Variants in NDUFAB1 observed in about 807,000 individuals in gnomAD.
NDUFAB1 encodes the protein NADH:ubiquinone oxidoreductase subunit AB1.
NDUFAB1 carries 5 observed loss-of-function variants against 16.1 expected under a neutral mutation model. That is an observed-to-expected ratio of 0.31 (90% CI 0.16 to 0.65). The LOEUF is 0.65. NDUFAB1 is among the 30% of genes least tolerant of loss of function. The probability of loss-of-function intolerance (pLI) is 0.77; values close to 1 mark genes in which losing one functional copy is unlikely to be tolerated. For synonymous variants in NDUFAB1, 85 were observed against 78.4 expected, an observed-to-expected ratio of 1.08 and a Z score of -0.44; for missense variants, 187 against 205.3, an observed-to-expected ratio of 0.91 and a Z score of 0.54.
rs776417573 is a variant in NDUFAB1 at position 23,596,105 on chromosome 16, A to G, written c.168+18T>C. On this transcript the variant is annotated intron_variant, in intron 1 of 4. Transcript: ENST00000007516. ...TCCCTGACCCTTGCCAAGCGGCAGCAAAGTCACCACGAGTCACCTGCGCGA... is the reference window on the plus strand; with the variant it reads ...TCCCTGACCCTTGCCAAGCGGCAGCGAAGTCACCACGAGTCACCTGCGCGA... The G allele has an allele frequency of 1.9e-6, 3 of 1,600,782 alleles. No individual in the cohort carries two copies. Among genetic ancestry groups the G allele is most frequent in the East Asian group, 2.3e-5 (1 of 43,562 alleles).
chr16:23,581,480 A>G (rs1966179149), intron 4 of NDUFAB1, among the ~76,000 whole-genome samples: 1 of 148,698 alleles, frequency 6.7e-6, no homozygotes, highest in South Asian at 2.2e-4. Context: ...CAGGAGGCGG[A>G]GGTTGCAGTG....
chr16:23,585,261 G>C, intron 3 of NDUFAB1, 75 bp downstream of exon 3: 1 of 1,081,550 alleles, frequency 9.2e-7, no homozygotes, highest in South Asian at 1.3e-5. Flanking sequence ...TTCCAATTCA[G>C]ACGCCCACCA....
chr16:23,593,894 T>C (rs552162596), intron 1 of NDUFAB1, among the ~76,000 whole-genome samples: 15 of 150,092 alleles, frequency 1.0e-4, no homozygotes, highest in Non-Finnish European at 2.1e-4. Context: ...ATTTATTTAT[T>C]TATTGAGATG....
intron 1 of NDUFAB1, 105 bp from the exon 2 acceptor site, chr16:23,587,424 A>C (rs1428083372): frequency 2.2e-6 from 3 of 1,378,368 alleles, no homozygotes; most frequent in Non-Finnish European, 2.9e-6. Context: ...GGCTTTAGAG[A>C]ACCCACAGCA....
chr16:23,595,803 T>C (rs1966320278), intron 1 of NDUFAB1, among the ~76,000 whole-genome samples: 1 of 152,204 alleles, frequency 6.6e-6, no homozygotes, highest in Non-Finnish European at 1.5e-5. Context: ...TAATCCTCAT[T>C]GCTACTCCGC....
At chr16:23,587,064 G>C in intron 2 of NDUFAB1, 133 bp downstream of exon 2, 1 of 795,574 alleles carries the variant, frequency 1.3e-6, no homozygotes, top group Non-Finnish European at 2.0e-6. Context: ...GGTAGCGCTG[G>C]CTATCTCCCA....
chr16:23,589,467 T>C (rs1335625068), intron 1 of NDUFAB1, among the ~76,000 whole-genome samples: 1 of 152,198 alleles, frequency 6.6e-6, no homozygotes, highest in African/African-American at 2.4e-5. Flanking sequence ...AGGAGACCTT[T>C]TATACAGGCA....
At chr16:23,589,661 G>A (rs1015596094) in intron 1 of NDUFAB1, among the ~76,000 whole-genome samples, 3 of 152,210 alleles carry the variant, frequency 2.0e-5, no homozygotes, top group Non-Finnish European at 2.9e-5. Context: ...GAGGCCAGGT[G>A]TGGTGGCTCA....
chr16:23,585,240 T>A, intron 3 of NDUFAB1, 96 bp downstream of exon 3: 1 of 892,386 alleles, frequency 1.1e-6, no homozygotes, highest in East Asian at 2.6e-5. Context: ...TCTATTAATA[T>A]TTAATTCTAA....
intron 1 of NDUFAB1, among the ~76,000 whole-genome samples, chr16:23,592,197 G>A (rs535337419): frequency 3.3e-5 from 5 of 152,144 alleles, no homozygotes; most frequent in African/African-American, 1.2e-4. Flanking sequence ...AACGAAATGA[G>A]GTCAGGCGTG....
Position 23,596,275 on chromosome 16 carries a change from G to A in NDUFAB1, c.16C>T (p.Leu6Phe), listed in dbSNP as rs770780447. ...GGCAGGCGGCTGACATAGGCTGAAA[G>A]GACACGAGACGCCATGGCTACGCCA... MASRVLSAYVSRLPAA... is the reference protein window; with the variant it reads MASRVFSAYVSRLPAA... Residue 6 changes from leucine (L) to phenylalanine (F), a missense_variant, in exon 1 of 5, where the codon CTT (leucine) becomes TTT (phenylalanine). By Grantham distance (22) the Leu-to-Phe change is conservative. Coordinates refer to ENST00000007516, the MANE Select transcript of NDUFAB1 (RefSeq NM_005003.3). The A allele has an allele frequency of 6.4e-6, 10 of 1,574,284 alleles. No homozygotes were observed. Among genetic ancestry groups the A allele is most frequent in the African/African-American group, 5.5e-5 (4 of 72,590 alleles).
intron 1 of NDUFAB1, 65 bp from the exon 2 acceptor site, chr16:23,587,384 G>T: frequency 3.2e-6 from 5 of 1,573,470 alleles, no homozygotes; most frequent in Non-Finnish European, 4.3e-6. Context: ...CAATGCACAA[G>T]CCTATAGGTA....
intron 1 of NDUFAB1, chr16:23,595,525 G>GA (rs141074969): frequency 8.4e-5 from 38 of 454,014 alleles, no homozygotes; most frequent in African/African-American, 1.8e-4. Flanking sequence ...GCGTTTGGTT[G>GA]AAAAAAAATC....
At chr16:23,595,482 T>TAA (rs1966316383) in intron 1 of NDUFAB1, 2 of 432,718 alleles carry the variant, frequency 4.6e-6, no homozygotes, top group Non-Finnish European at 9.3e-6. Context: ...GCCCTCCTTA[T>TAA]ACGCGGGGCG....
intron 1 of NDUFAB1, among the ~76,000 whole-genome samples, chr16:23,588,941 C>T (rs1206128708): frequency 6.6e-6 from 1 of 151,682 alleles, no homozygotes; most frequent in Non-Finnish European, 1.5e-5. Context: ...TGCCACTGCA[C>T]TCCACCTTGG....
rs764293742 is a variant in NDUFAB1 at position 23,596,203 on chromosome 16, G to A, written c.88C>T (p.Arg30Trp). ...LPRVRMLAVA[R>W]PLSTALCSAG... is the part of the protein sequence containing the mutation. ...GAGCAGAGAGCGGTGCTGAGAGGCC[G>A]GGCCACGGCCAGCATCCGGACCCGG... The change falls in exon 1 of 5, where the codon CGG (arginine) becomes TGG (tryptophan). Residue 30 changes from arginine to tryptophan, a missense_variant. This residue lies in a region of NDUFAB1 where 135 missense variants were observed against 129.4 expected (regional missense o/e 1.04). Transcript: ENST00000007516. 3.7e-6 allele frequency: 6 copies of A among 1,610,234 alleles called. No individual in the cohort carries two copies. The highest frequency in any genetic ancestry group is 5.1e-6 in the Non-Finnish European group (6 of 1,178,836).
At chr16:23,586,994 A>G (rs1966239183) in intron 2 of NDUFAB1, among the ~76,000 whole-genome samples, 1 of 152,174 alleles carries the variant, frequency 6.6e-6, no homozygotes, top group Non-Finnish European at 1.5e-5. Context: ...TATAATATAC[A>G]CACGTGTGTA....
At chr16:23,582,439 C>T in intron 3 of NDUFAB1, 64 bp from the exon 4 acceptor site, 1 of 1,447,868 alleles carries the variant, frequency 6.9e-7, no homozygotes, top group South Asian at 1.5e-5. Context: ...GAACTGAACA[C>T]ACCTGACCCT....
Position 23,585,569 on chromosome 16 carries a change from T to C in NDUFAB1, c.292-146A>G, listed in dbSNP as rs1597053531. The stretch of plus-strand genomic sequence containing the variant: ...GGTACATGTGCACAACGTGCAGGTT[T>C]GTTACATAGGTATACATGTGCCATG... On this transcript the variant is annotated intron_variant, in intron 2 of 4. Transcript: ENST00000007516. The C allele has an allele frequency of 4.9e-6, 3 of 616,876 alleles. No homozygotes were observed. The East Asian group carries it at 8.7e-5, about 18-fold the overall frequency. The allele number at this position is 616,876 out of a possible 1,614,324, so 38.2% of individuals were successfully genotyped here.
Sources: allele counts gnomAD v4.1 joint callset (sites outside exome capture counted in the v4.1 genomes callset), GRCh38; gene constraint gnomAD v4.1.1; regional missense constraint gnomAD v4.1.1; transcripts MANE v1.5; gene names NCBI Gene and HGNC (gene_info 2026-07-23, HGNC 2026-07-21).